CASQ2: variants seen among roughly 807,000 people sequenced by gnomAD.
The protein encoded by CASQ2 is calsequestrin-2.
A neutral mutation model predicts 46.5 loss-of-function variants in CASQ2; 49 were observed. The ratio of observed to expected loss-of-function variants is 1.05; its 90% CI spans 0.84 to 1.34. The LOEUF (loss-of-function observed/expected upper bound fraction) is 1.34, where lower values mean the gene tolerates loss of function less well. CASQ2 is among the 40% of genes most tolerant of loss of function. The pLI is 0.00. For missense variants in CASQ2, 486 were observed against 481.3 expected, an observed-to-expected ratio of 1.01 and a Z score of -0.09; for synonymous variants, 174 against 168.5, an observed-to-expected ratio of 1.03 and a Z score of -0.25.
chr1:115,752,014 G>A (rs1433479692), intron 1 of CASQ2, among the ~76,000 whole-genome samples: 1 of 152,152 alleles, frequency 6.6e-6, no homozygotes, highest in Non-Finnish European at 1.5e-5. Context: ...CAAGCCCTAG[G>A]CCAGTTGAAG....
At chr1:115,733,411 C>A (rs943760428) in intron 4 of CASQ2, among the ~76,000 whole-genome samples, 1 of 152,192 alleles carries the variant, frequency 6.6e-6, no homozygotes, top group African/African-American at 2.4e-5. Flanking sequence ...TGTAAAGTAA[C>A]CTCAATCACA....
Position 115,714,420 on chromosome 1 carries a change from A to G in CASQ2, c.838+3420T>C, listed in dbSNP as rs1295926744. Among the ~76,000 whole-genome samples the G allele has an allele frequency of 5.9e-5, 9 of 152,224 alleles. No homozygotes were observed. In the East Asian group the frequency reaches 1.7e-3, roughly 29 times the overall value. ...ATAATAATCATCATGCACGTATTAC[A>G]GAGTGGCTTTAGGTGCTAAATAAGG... On this transcript the variant is annotated intron_variant, in intron 8 of 10. Transcript: ENST00000261448.
intron 1 of CASQ2, among the ~76,000 whole-genome samples, chr1:115,766,516 AT>A (rs1365440197): frequency 6.6e-6 from 1 of 152,194 alleles, no homozygotes; most frequent in Non-Finnish European, 1.5e-5. Context: ...GATAGTTACT[AT>A]TTTTCCATAT....
At position 115,720,680 on chromosome 1, in the gene CASQ2, C is replaced by T. The variant is rs6659215; in HGVS notation, c.784-2786G>A. 9.5e-3 allele frequency among the ~76,000 whole-genome samples: 1,441 copies of T among 152,260 alleles called. 27 individuals are homozygous for T. Among genetic ancestry groups the T allele is most frequent in the African/African-American group, 0.032 (1,321 of 41,546 alleles). ...CAAAGAACCGGAGATTTGGGAATAA[C>T]GTCAGTGAATCCCTTCCTTTGGATA... On this transcript the variant is annotated intron_variant, in intron 7 of 10. Transcript: ENST00000261448.
chr1:115,744,863 T>A lies in CASQ2; in HGVS notation c.284A>T (p.Asp95Val). The change falls in exon 2 of 11, where the codon GAT (aspartate) becomes GTT (valine). Residue 95 changes from aspartate (D) to valine (V), a missense_variant. Transcript: ENST00000261448. ...GGCAAGCTTGGCTTCTTTCTTGGCA[T>A]CCACCATCACAAAGCCTATAGCTTT... ...EHKAIGFVMV[D>V]AKKEAKLAKK... 6.2e-7 allele frequency: 1 copy of A among 1,613,974 alleles called. No homozygotes were observed. The highest frequency in any genetic ancestry group is 8.5e-7 in the Non-Finnish European group (1 of 1,179,916).
At chr1:115,715,012 A>G (rs1654655172) in intron 8 of CASQ2, among the ~76,000 whole-genome samples, 1 of 152,198 alleles carries the variant, frequency 6.6e-6, no homozygotes, top group Admixed American at 6.5e-5. Flanking sequence ...TCTTTGTTCT[A>G]TTGTTCCAAA....
At chr1:115,726,947 T>TGCCCCCCC in intron 6 of CASQ2, 45 bp downstream of exon 6, 4 of 1,036,546 alleles carry the variant, frequency 3.9e-6, no homozygotes, top group Non-Finnish European at 5.8e-6. Context: ...TCCTCTCCAT[T>TGCCCCCCC]CCCCAGACCC....
chr1:115,761,452 A>AAGGAGAAGG (rs1648941229), intron 1 of CASQ2, among the ~76,000 whole-genome samples: 2 of 7,610 alleles, frequency 2.6e-4, no homozygotes, highest in Admixed American at 1.4e-3. Context: ...GAAGAAGAAG[A>AAGGAGAAGG]AGAAGAAGAA....
Position 115,750,262 on chromosome 1 carries a change from A to T in CASQ2, c.235-5350T>A, listed in dbSNP as rs550305374. ...CAGAAAACTAGTACAGACTTTTCAT[A>T]TAGGATTGCAATTTTCTCCTGTTGA... On this transcript the variant is annotated intron_variant, in intron 1 of 10. Coordinates refer to ENST00000261448, the MANE Select transcript of CASQ2 (RefSeq NM_001232.4). Among the ~76,000 whole-genome samples the T allele has an allele frequency of 7.2e-5, 11 of 152,310 alleles. No individual in the cohort carries two copies. The East Asian group carries it at 2.1e-3, about 29-fold the overall frequency.
At chr1:115,734,656 T>C (rs1647896813) in intron 4 of CASQ2, among the ~76,000 whole-genome samples, 1 of 152,230 alleles carries the variant, frequency 6.6e-6, no homozygotes, top group Admixed American at 6.5e-5. Flanking sequence ...CCCACTTTCT[T>C]TGATGACTCT....
intron 5 of CASQ2, among the ~76,000 whole-genome samples, chr1:115,727,948 G>T (rs1647651631): frequency 2.0e-5 from 3 of 152,264 alleles, no homozygotes; most frequent in Non-Finnish European, 4.4e-5. Context: ...TGCCTGCACA[G>T]CTGCTGAACT....
At chr1:115,732,763 T>C (rs2101085803) in intron 5 of CASQ2, 138 bp downstream of exon 5, 1 of 696,370 alleles carries the variant, frequency 1.4e-6, no homozygotes, top group East Asian at 2.6e-5. Flanking sequence ...TTTAGTGATA[T>C]AATTCTTAAC....
intron 5 of CASQ2, among the ~76,000 whole-genome samples, chr1:115,730,734 T>C (rs1570821896): frequency 6.6e-6 from 1 of 152,304 alleles, no homozygotes; most frequent in East Asian, 1.9e-4. Context: ...CCAGATCTTC[T>C]TGTTATATCC....
Position 115,702,741 on chromosome 1 carries a change from C to T in CASQ2, c.1014+180G>A, listed in dbSNP as rs10923210. On this transcript the variant is annotated intron_variant, in intron 10 of 10. Transcript: ENST00000261448. Reference sequence around the variant, plus strand: ...TGCCCATGGAAGAGAGCCATGGAACCACAGATTGGGACTGGCTCGGAGACC... The same window carrying T: ...TGCCCATGGAAGAGAGCCATGGAACTACAGATTGGGACTGGCTCGGAGACC... Among the ~76,000 whole-genome samples the T allele has an allele frequency of 0.015, 2,239 of 152,340 alleles. 64 individuals carry two copies. Among genetic ancestry groups the T allele is most frequent in the African/African-American group, 0.051 (2,120 of 41,578 alleles).
chr1:115,746,428 A>G (rs1648391996), intron 1 of CASQ2, among the ~76,000 whole-genome samples: 3 of 152,176 alleles, frequency 2.0e-5, no homozygotes. Context: ...GTGTAGCTGT[A>G]TTGTCTTACC....
chr1:115,716,568 C>T (rs1654707707), intron 8 of CASQ2, among the ~76,000 whole-genome samples: 1 of 152,160 alleles, frequency 6.6e-6, no homozygotes. Flanking sequence ...CACACACACA[C>T]CCTGTAAAGC....
chr1:115,724,998 A>C (rs1647527167), intron 7 of CASQ2, among the ~76,000 whole-genome samples: 1 of 152,202 alleles, frequency 6.6e-6, no homozygotes. Context: ...AGTAGTACCA[A>C]AGAGGCTTGG....
At chr1:115,734,986 A>G (rs1647909317) in intron 4 of CASQ2, among the ~76,000 whole-genome samples, 1 of 152,356 alleles carries the variant, frequency 6.6e-6, no homozygotes, top group African/African-American at 2.4e-5. Flanking sequence ...AATTAAATGT[A>G]TAAACTTTAT....
chr1:115,702,912 G>T lies in CASQ2; in HGVS notation c.1014+9C>A. On this transcript the variant is annotated intron_variant, in intron 10 of 10. Transcript: ENST00000261448. ...GGTGCCTGAGCAAGCCTTCACAGGGGATACTCACATCTGTGACATTCACCA... is the reference window on the plus strand; with the variant it reads ...GGTGCCTGAGCAAGCCTTCACAGGGTATACTCACATCTGTGACATTCACCA... The T allele has an allele frequency of 6.2e-7, 1 of 1,609,316 alleles. No individual in the cohort carries two copies. Among genetic ancestry groups the T allele is most frequent in the Non-Finnish European group, 8.5e-7 (1 of 1,176,380 alleles).
Sources: allele counts gnomAD v4.1 joint callset (sites outside exome capture counted in the v4.1 genomes callset), GRCh38; gene constraint gnomAD v4.1.1; transcripts MANE v1.5; gene names NCBI Gene and HGNC (gene_info 2026-07-23, HGNC 2026-07-21).